The following NTN4 variants were observed in gnomAD, a reference collection of about 807,000 sequenced individuals.
The protein encoded by NTN4 is netrin 4.
Under a neutral mutation model 73.6 loss-of-function variants are expected in NTN4, and 32 were observed. The ratio of observed to expected loss-of-function variants is 0.44; its 90% CI spans 0.33 to 0.58. NTN4 has a LOEUF of 0.58. Among genes scored for constraint, NTN4 ranks in the 20% least tolerant of loss-of-function variants. The pLI, the probability that NTN4 is intolerant of heterozygous loss-of-function variation, is 0.04. For synonymous variants in NTN4, 258 were observed against 287.5 expected (o/e 0.90, Z 1.04); for missense variants, 654 against 798.3 (o/e 0.82, Z 2.18).
At position 95,789,999 on chromosome 12, in the gene NTN4, G is replaced by T. The variant is rs1166197094; in HGVS notation, c.55+256C>A. 1.2e-5 allele frequency: 5 copies of T among 405,214 alleles called. No individual in the cohort carries two copies. Among genetic ancestry groups the T allele is most frequent in the Non-Finnish European group, 1.8e-5 (4 of 228,286 alleles). The allele number at this position is 405,214 out of a possible 1,614,324, so 25.1% of individuals were successfully genotyped here. On this transcript the variant is annotated intron_variant, in intron 1 of 9. Coordinates refer to ENST00000343702, the MANE Select transcript of NTN4 (RefSeq NM_021229.4). The surrounding 1 kb of genome is among the most constrained non-coding windows in gnomAD (Gnocchi z 4.0). ...CAAGCCAAACCAAGAAAGAAACCCC[G>T]GTCGCAGTATCCCCGGCAGGGCGCA...
rs528251660 is a variant in NTN4 at position 95,678,493 on chromosome 12, G to A, written c.1510+4214C>T. ...TCAGCTAAAAGCAAAACTCATTAAC[G>A]ATAAAATTAGAAATAGAAGAGAATG... On this transcript the variant is annotated intron_variant, in intron 7 of 9. Coordinates refer to ENST00000343702, the MANE Select transcript of NTN4 (RefSeq NM_021229.4). Among the ~76,000 whole-genome samples, 93 of 152,028 alleles carry A rather than the reference G, an allele frequency of 6.1e-4. 1 individual carries two copies. Among genetic ancestry groups the A allele is most frequent in the Middle Eastern group, 3.4e-3 (1 of 294 alleles).
chr12:95,682,439 T>TA (rs2078325397), intron 7 of NTN4, among the ~76,000 whole-genome samples: 1 of 151,184 alleles, frequency 6.6e-6, no homozygotes, highest in African/African-American at 2.4e-5. Context: ...TTTTTTTTTT[T>TA]ACTATGATGT....
At chr12:95,672,206 G>T (rs550594448) in intron 7 of NTN4, 4 of 569,656 alleles carry the variant, frequency 7.0e-6, no homozygotes, top group African/African-American at 5.8e-5. Flanking sequence ...GTCGGGTTGC[G>T]GGGGGCGGGC....
At chr12:95,785,597 T>A (rs1030973775) in intron 2 of NTN4, among the ~76,000 whole-genome samples, 1 of 152,122 alleles carries the variant, frequency 6.6e-6, no homozygotes, top group Admixed American at 6.5e-5. Flanking sequence ...ATGGCAAAAG[T>A]CTCCATGTAT....
At chr12:95,772,006 A>C (rs2079061894) in intron 2 of NTN4, among the ~76,000 whole-genome samples, 1 of 152,110 alleles carries the variant, frequency 6.6e-6, no homozygotes, top group Admixed American at 6.5e-5. Context: ...GCTTAATTGA[A>C]CAAAAGTTGG....
At chr12:95,726,878 G>T (rs1298582734) in intron 3 of NTN4, among the ~76,000 whole-genome samples, 1 of 152,104 alleles carries the variant, frequency 6.6e-6, no homozygotes, top group Non-Finnish European at 1.5e-5. Context: ...GCTGAGGCAG[G>T]AGAATGGCGT....
At chr12:95,710,162 T>G (rs2078553443) in intron 5 of NTN4, among the ~76,000 whole-genome samples, 1 of 152,216 alleles carries the variant, frequency 6.6e-6, no homozygotes, top group South Asian at 2.1e-4. Flanking sequence ...ATCACTCTTT[T>G]TTCTATTAGT....
intron 7 of NTN4, among the ~76,000 whole-genome samples, chr12:95,679,732 G>A (rs2078301528): frequency 6.6e-6 from 1 of 152,060 alleles, no homozygotes; most frequent in African/African-American, 2.4e-5. Flanking sequence ...CATGCTGATG[G>A]GTGTTACTCT....
intron 2 of NTN4, among the ~76,000 whole-genome samples, chr12:95,761,083 C>CT (rs1437417061): frequency 2.0e-5 from 3 of 152,120 alleles, no homozygotes; most frequent in South Asian, 2.1e-4. Flanking sequence ...TGCAGATATC[C>CT]TTTTTTTACC....
intron 2 of NTN4, among the ~76,000 whole-genome samples, chr12:95,774,538 C>A (rs926235481): frequency 6.6e-6 from 1 of 152,212 alleles, no homozygotes; most frequent in Non-Finnish European, 1.5e-5. Flanking sequence ...ACTGAACAGT[C>A]ATGCTTAGAA....
At chr12:95,660,769 G>A (rs2078131458) in intron 9 of NTN4, among the ~76,000 whole-genome samples, 1 of 152,154 alleles carries the variant, frequency 6.6e-6, no homozygotes, top group Admixed American at 6.5e-5. Flanking sequence ...AATGCTAGAT[G>A]CTAAAATTCA....
chr12:95,745,091 T>C (rs1470162248), intron 2 of NTN4, among the ~76,000 whole-genome samples: 7 of 152,156 alleles, frequency 4.6e-5, no homozygotes, highest in Admixed American at 2.0e-4. Flanking sequence ...CTTTTTACCA[T>C]TGCTTTTTAA....
intron 5 of NTN4, among the ~76,000 whole-genome samples, chr12:95,690,476 T>C (rs1410075943): frequency 6.6e-6 from 1 of 152,246 alleles, no homozygotes; most frequent in Non-Finnish European, 1.5e-5. Flanking sequence ...CATACAGTTA[T>C]GATAAGCACT....
intron 2 of NTN4, among the ~76,000 whole-genome samples, chr12:95,780,719 C>T (rs1326694347): frequency 6.6e-6 from 1 of 152,184 alleles, no homozygotes; most frequent in East Asian, 1.9e-4. Context: ...TAAACTGGTT[C>T]AACCATTGTG....
At chr12:95,753,248 T>C (rs928950303) in intron 2 of NTN4, among the ~76,000 whole-genome samples, 8 of 151,330 alleles carry the variant, frequency 5.3e-5, no homozygotes, top group Non-Finnish European at 7.4e-5. Context: ...TCCTTTCCAT[T>C]GTGGAAATCT....
At chr12:95,683,768 C>T (rs1419589547) in intron 5 of NTN4, 57 bp from the exon 6 acceptor site, 11 of 1,422,918 alleles carry the variant, frequency 7.7e-6, no homozygotes, top group African/African-American at 1.4e-5. Context: ...CCCGTGTGAA[C>T]ATTAGGCTTG....
chr12:95,722,779 G>A (rs73379005), intron 3 of NTN4, among the ~76,000 whole-genome samples: 8 of 151,928 alleles, frequency 5.3e-5, no homozygotes, highest in South Asian at 2.1e-4. Flanking sequence ...TTTCGAGAGC[G>A]GCCTGGCCAG....
intron 7 of NTN4, among the ~76,000 whole-genome samples, chr12:95,670,799 A>G (rs1017608208): frequency 6.7e-6 from 1 of 149,560 alleles, no homozygotes; most frequent in African/African-American, 2.5e-5. Context: ...ATGGGAAAAA[A>G]CTTCTTGGAT....
intron 4 of NTN4, among the ~76,000 whole-genome samples, chr12:95,712,787 CT>C (rs35614636): frequency 0.28 from 29,675 of 105,974 alleles, 2,047 homozygotes; most frequent in African/African-American, 0.36. Context: ...TTCTTTCTTT[CT>C]TTTTTTTTTT....
Sources: allele counts gnomAD v4.1 joint callset (sites outside exome capture counted in the v4.1 genomes callset), GRCh38; gene constraint gnomAD v4.1.1; non-coding constraint Gnocchi (gnomAD v3.1); transcripts MANE v1.5; gene names NCBI Gene and HGNC (gene_info 2026-07-23, HGNC 2026-07-21).